Variants in MAP2 observed in about 807,000 individuals in gnomAD.
MAP2 encodes microtubule associated protein 2, also known as microtubule-associated protein 2.
In MAP2, 14 loss-of-function variants were observed where a neutral mutation model predicts 137.6. The ratio of observed to expected loss-of-function variants is 0.10; its 90% CI spans 0.07 to 0.16. The LOEUF (loss-of-function observed/expected upper bound fraction) is 0.16. Ranked by LOEUF, MAP2 falls within the 10% of genes least tolerant of loss-of-function variation. MAP2 has a pLI of 1.00. For missense variants in MAP2, 2,088 were observed against 2,191.5 expected (o/e 0.95, Z 0.94); for synonymous variants, 786 against 782.3 (o/e 1.00, Z -0.08).
chr2:209,517,194 T>C (rs766461475), intron 2 of MAP2, among the ~76,000 whole-genome samples: 11 of 152,126 alleles, frequency 7.2e-5, no homozygotes, highest in Non-Finnish European at 5.9e-5. Context: ...TAAGTAGATA[T>C]GTATTAATTT....
At chr2:209,547,316 C>A (rs1055098981) in intron 2 of MAP2, among the ~76,000 whole-genome samples, 1 of 135,696 alleles carries the variant, frequency 7.4e-6, no homozygotes, top group African/African-American at 3.7e-5. Context: ...AAAACATTCA[C>A]CTGAATTCTT....
intron 3 of MAP2, among the ~76,000 whole-genome samples, 157 bp downstream of exon 3, chr2:209,580,257 A>G (rs2076112326): frequency 1.3e-5 from 2 of 152,120 alleles, no homozygotes; most frequent in African/African-American, 2.4e-5. Flanking sequence ...AGATACTTCT[A>G]TTATCTAAGG....
At chr2:209,600,103 A>G (rs1256295249) in intron 3 of MAP2, among the ~76,000 whole-genome samples, 1 of 152,214 alleles carries the variant, frequency 6.6e-6, no homozygotes, top group Non-Finnish European at 1.5e-5. Flanking sequence ...TAAAAGGAGC[A>G]TTGAAGGGAC....
intron 1 of MAP2, among the ~76,000 whole-genome samples, chr2:209,435,138 C>G (rs1185051672): frequency 6.6e-6 from 1 of 150,972 alleles, no homozygotes; most frequent in Non-Finnish European, 1.5e-5. Context: ...TTAATTTCTT[C>G]TATATAGACA....
intron 1 of MAP2, among the ~76,000 whole-genome samples, chr2:209,499,245 G>A (rs2060105407): frequency 6.6e-6 from 1 of 152,096 alleles, no homozygotes; most frequent in Non-Finnish European, 1.5e-5. Flanking sequence ...GACCCCTAGG[G>A]TATGGACACA....
rs535594033 is a variant in MAP2 at position 209,524,338 on chromosome 2, T to A, written c.-172+16697T>A. On this transcript the variant is annotated intron_variant, in intron 2 of 15. Transcript: ENST00000682079. ...GTCTTTTTCTTTTTTTTCTTTTTTT[T>A]ATTTTTAACACACATAATCCAGAGT... is the stretch of plus-strand genomic sequence containing the variant. Among the ~76,000 whole-genome samples, 280 of 152,202 alleles carry A rather than the reference T, an allele frequency of 1.8e-3. 1 individual carries two copies. The highest frequency in any genetic ancestry group is 6.5e-3 in the African/African-American group (272 of 41,554).
intron 4 of MAP2, among the ~76,000 whole-genome samples, chr2:209,632,465 C>T (rs76776518): frequency 0.02 from 3,086 of 152,092 alleles, 97 homozygotes; most frequent in African/African-American, 0.069. Flanking sequence ...GAAGAAAGAA[C>T]GAACAACAAA....
At position 209,693,855 on chromosome 2, in the gene MAP2, T is replaced by C; in HGVS notation, c.1685T>C (p.Phe562Ser). 6.2e-7 allele frequency: 1 copy of C among 1,613,176 alleles called. No individual in the cohort carries two copies. The highest frequency in any genetic ancestry group is 8.5e-7 in the Non-Finnish European group (1 of 1,179,772). The change falls in exon 8 of 16, where the codon TTT becomes TCT. Residue 562 changes from phenylalanine to serine, a missense_variant. Phe to Ser is a radical substitution (Grantham distance 155). Transcript: ENST00000682079. ...AATSAELDMP[F>S]YEDKSGMSKY... ...ACATCAGCTGAGCTTGATATGCCAT[T>C]TTATGAAGATAAATCAGGAATGTCC...
intron 2 of MAP2, among the ~76,000 whole-genome samples, chr2:209,532,579 C>T (rs2065289040): frequency 6.6e-6 from 1 of 152,130 alleles, no homozygotes; most frequent in Non-Finnish European, 1.5e-5. Context: ...CCAGTGCCTG[C>T]CCTCTAAAGT....
chr2:209,592,010 A>G (rs559428877), intron 3 of MAP2, among the ~76,000 whole-genome samples: 2 of 152,324 alleles, frequency 1.3e-5, no homozygotes, highest in South Asian at 4.1e-4. Context: ...ACTGAAAAGT[A>G]AAGGTAATCT....
chr2:209,522,001 A>T (rs2063351844), intron 2 of MAP2, among the ~76,000 whole-genome samples: 2 of 152,148 alleles, frequency 1.3e-5, no homozygotes, highest in Non-Finnish European at 2.9e-5. Context: ...TTGTTTTCAT[A>T]AATAAAATTC....
At chr2:209,595,691 A>C (rs998108964) in intron 3 of MAP2, among the ~76,000 whole-genome samples, 5 of 152,240 alleles carry the variant, frequency 3.3e-5, no homozygotes, top group Admixed American at 2.6e-4. Flanking sequence ...CACGATAGCA[A>C]AACCTTGGAC....
At chr2:209,545,029 G>C (rs1192945022) in intron 2 of MAP2, among the ~76,000 whole-genome samples, 1 of 152,000 alleles carries the variant, frequency 6.6e-6, no homozygotes, top group Non-Finnish European at 1.5e-5. Flanking sequence ...AACTATTTTT[G>C]CCTGTTAGGA....
In MAP2 at chr2:209,435,948, T is replaced by TATATATACAGTATATATTATATATA. The variant is rs1559159118; in HGVS notation, c.-222+11696_-222+11720dup. On this transcript the variant is annotated intron_variant, in intron 1 of 15. Transcript: ENST00000682079. ...TATATATTATATATATAATATATACTATATATACAGTATATATTATATATA... is the reference window on the plus strand; with the variant it reads ...TATATATTATATATATAATATATACTATATATACAGTATATATTATATATAATATATACAGTATATATTATATATA... 2.0e-4 allele frequency among the ~76,000 whole-genome samples: 11 copies of TATATATACAGTATATATTATATATA among 56,156 alleles called. 1 individual carries two copies. The highest frequency in any genetic ancestry group is 4.1e-3 in the East Asian group (2 of 492). The allele number at this position is 56,156 out of a possible 152,430, so 36.8% of individuals were successfully genotyped here. A position where few individuals can be genotyped will look rare whatever the true frequency, so the allele number is the denominator to read the frequency against.
At chr2:209,600,190 C>G (rs1340082514) in intron 3 of MAP2, among the ~76,000 whole-genome samples, 2 of 151,944 alleles carry the variant, frequency 1.3e-5, no homozygotes, top group African/African-American at 2.4e-5. Context: ...ACAAACAAAA[C>G]AAAAAAAGCC....
intron 3 of MAP2, among the ~76,000 whole-genome samples, chr2:209,619,185 G>T (rs951814459): frequency 6.6e-6 from 1 of 152,026 alleles, no homozygotes; most frequent in Admixed American, 6.6e-5. Context: ...TTTGGTAGGG[G>T]AAGTAAATTC....
chr2:209,619,132 G>A (rs2090396599), intron 3 of MAP2, among the ~76,000 whole-genome samples: 1 of 152,080 alleles, frequency 6.6e-6, no homozygotes, highest in Non-Finnish European at 1.5e-5. Flanking sequence ...GTGATGTTGG[G>A]GGTATGCTGG....
At chr2:209,450,619 A>AGAT (rs1333420535) in intron 1 of MAP2, among the ~76,000 whole-genome samples, 3 of 152,234 alleles carry the variant, frequency 2.0e-5, no homozygotes, top group Non-Finnish European at 4.4e-5. Context: ...TATGCTCCTC[A>AGAT]GAATGTCTGT....
chr2:209,729,169 A>G lies in MAP2; in HGVS notation c.5156-681A>G, dbSNP rs144862216. Among the ~76,000 whole-genome samples, 28 of 152,330 alleles carry G rather than the reference A, an allele frequency of 1.8e-4. No homozygotes were observed. In the East Asian group the frequency reaches 5.2e-3, roughly 28 times the overall value. On this transcript the variant is annotated intron_variant, in intron 14 of 15. Coordinates refer to ENST00000682079, the MANE Select transcript of MAP2 (RefSeq NM_001375505.1). ...ACTGGTTAGCATTAGGGAAAATGGC[A>G]TGGTCAAAACTCTGTCTCAATATTA...
Sources: allele counts gnomAD v4.1 joint callset (sites outside exome capture counted in the v4.1 genomes callset), GRCh38; gene constraint gnomAD v4.1.1; transcripts MANE v1.5; gene names NCBI Gene and HGNC (gene_info 2026-07-23, HGNC 2026-07-21).